FBXO31: variants seen among roughly 807,000 people sequenced by gnomAD.
FBXO31 encodes F-box protein 31.
In FBXO31, 24 loss-of-function variants were observed where a neutral mutation model predicts 54.4. The ratio of observed to expected loss-of-function variants is 0.44; its 90% CI spans 0.32 to 0.62. FBXO31 has a LOEUF of 0.62. Ranked by LOEUF, FBXO31 falls within the 20% of genes least tolerant of loss-of-function variation. The pLI is 0.05. For synonymous variants in FBXO31, 388 were observed against 335.6 expected, an observed-to-expected ratio of 1.16 and a Z score of -1.71; for missense variants, 665 against 787.1, an observed-to-expected ratio of 0.84 and a Z score of 1.86.
chr16:87,340,004 C>A (rs994892463), intron 5 of FBXO31, among the ~76,000 whole-genome samples: 1 of 152,224 alleles, frequency 6.6e-6, no homozygotes, highest in African/African-American at 2.4e-5. Context: ...AGAATTCGGC[C>A]GGGCGCGGTG....
intron 1 of FBXO31, among the ~76,000 whole-genome samples, chr16:87,370,260 A>G (rs935959710): frequency 1.3e-5 from 2 of 152,206 alleles, no homozygotes; most frequent in Non-Finnish European, 2.9e-5. Context: ...CAGCCTGGCC[A>G]GCGTGGCCGA....
chr16:87,330,185 C>T lies in FBXO31; in HGVS notation c.*1103G>A, dbSNP rs1904799733. On this transcript the variant is annotated 3_prime_UTR_variant, in exon 9 of 9. Transcript: ENST00000311635. ...TCAGCCAAGACCTCAGATGGGGTCCCCACACGCAGGTGTTAACACAACATG... is the reference window on the plus strand; with the variant it reads ...TCAGCCAAGACCTCAGATGGGGTCCTCACACGCAGGTGTTAACACAACATG... 6.6e-6 allele frequency: 1 copy of T among 152,444 alleles called. No individual in the cohort carries two copies. Among genetic ancestry groups the T allele is most frequent in the African/African-American group, 2.4e-5 (1 of 41,468 alleles). The allele number at this position is 152,444 out of a possible 1,614,324, so 9.4% of individuals were successfully genotyped here. A position where few individuals can be genotyped will look rare whatever the true frequency, so the allele number is the denominator to read the frequency against.
chr16:87,372,083 G>A (rs1428826280), intron 1 of FBXO31, among the ~76,000 whole-genome samples: 1 of 151,994 alleles, frequency 6.6e-6, no homozygotes, highest in African/African-American at 2.4e-5. Flanking sequence ...AATTAGCCAG[G>A]TATGGTGGCA....
At chr16:87,360,422 C>A in intron 1 of FBXO31, 56 bp from the exon 2 acceptor site, 6 of 1,511,242 alleles carry the variant, frequency 4.0e-6, no homozygotes, top group Non-Finnish European at 4.6e-6. Context: ...ACGCGACAGA[C>A]GTGGGCAGGC....
chr16:87,389,737 C>T (rs1161647799), exon 1 of FBXO31: 1 of 152,106 alleles, frequency 6.6e-6, no homozygotes, highest in African/African-American at 2.4e-5. Flanking sequence ...ATGCGCTTAC[C>T]GGATTTTTTT....
chr16:87,369,107 T>A (rs570250964), intron 1 of FBXO31, among the ~76,000 whole-genome samples: 1 of 152,156 alleles, frequency 6.6e-6, no homozygotes, highest in East Asian at 1.9e-4. Context: ...TTTTATTTTT[T>A]ATTTTTTTCA....
chr16:87,334,182 G>GGA lies in FBXO31; in HGVS notation c.1099_1100dup (p.Arg368ProfsTer65). The GGA allele has an allele frequency of 6.2e-7, 1 of 1,612,918 alleles. No homozygotes were observed. Among genetic ancestry groups the GGA allele is most frequent in the Non-Finnish European group, 8.5e-7 (1 of 1,179,780 alleles). Reference sequence around the variant, plus strand: ...TCTCGCGCACCTCCAGGACGATGCGGGAGAGCTCATTGAAGTTGCGCTGGT... The same window carrying GGA: ...TCTCGCGCACCTCCAGGACGATGCGGGAGAGAGCTCATTGAAGTTGCGCTGGT... On this transcript the variant is annotated frameshift_variant, in exon 8 of 9. Transcript: ENST00000311635. LOFTEE classifies it high-confidence loss of function.
rs1904691433 is a variant in FBXO31, at chr16:87,327,577, G to A, written c.*3711C>T. ...AGGCTAAGGCGGGCAGACAGCTTGA[G>A]CCTAGTAGGTTGAGGCCTCAGGGAG... On this transcript the variant is annotated 3_prime_UTR_variant, in exon 9 of 9. Transcript: ENST00000311635. 6.6e-6 allele frequency: 1 copy of A among 152,270 alleles called. No homozygotes were observed. The allele number at this position is 152,270 out of a possible 1,614,324, so 9.4% of individuals were successfully genotyped here.
chr16:87,390,781 A>C (rs1270582005), upstream of FBXO31, among the ~76,000 whole-genome samples: 1 of 151,560 alleles, frequency 6.6e-6, no homozygotes, highest in Non-Finnish European at 1.5e-5. Flanking sequence ...TTTTTTGTGG[A>C]GGACGGGGTC....
chr16:87,351,981 C>T (rs961449500), intron 2 of FBXO31, among the ~76,000 whole-genome samples: 4 of 152,192 alleles, frequency 2.6e-5, no homozygotes, highest in South Asian at 2.1e-4. Context: ...CACGAGAAAA[C>T]GTCAACGCCA....
chr16:87,331,639 C>G (rs1020344097), intron 8 of FBXO31, 129 bp from the exon 9 acceptor site: 3 of 778,722 alleles, frequency 3.9e-6, no homozygotes, highest in Non-Finnish European at 6.1e-6. Context: ...CAGAAGCTGA[C>G]TCCCAGAGCC....
intron 1 of FBXO31, chr16:87,362,452 C>T (rs913319142): frequency 6.6e-6 from 1 of 151,846 alleles, no homozygotes; most frequent in Non-Finnish European, 1.5e-5. Flanking sequence ...AGTGTAGTGG[C>T]TATAGTTAAA....
chr16:87,375,260 T>C (rs1291621500), intron 1 of FBXO31, among the ~76,000 whole-genome samples: 1 of 152,000 alleles, frequency 6.6e-6, no homozygotes, highest in Non-Finnish European at 1.5e-5. Flanking sequence ...TGAGCCAAGA[T>C]CGCGCCACTG....
chr16:87,383,381 G>GCCCCCCC lies in FBXO31; in HGVS notation c.340+23_340+24insGGGGGGG. On this transcript the variant is annotated intron_variant, in intron 1 of 8. Transcript: ENST00000311635. The surrounding 1 kb of genome is among the most constrained non-coding windows in gnomAD (Gnocchi z 4.9). Reference sequence around the variant, plus strand: ...TGGCAGGGACCCCCCGCCCCTCCCGGCCCCGCCACCCCCGCGCGCTCACCC... The same window carrying GCCCCCCC: ...TGGCAGGGACCCCCCGCCCCTCCCGGCCCCCCCCCCCGCCACCCCCGCGCGCTCACCC... The GCCCCCCC allele has an allele frequency of 7.1e-7, 1 of 1,417,880 alleles. No homozygotes were observed. The highest frequency in any genetic ancestry group is 9.6e-7 in the Non-Finnish European group (1 of 1,041,928). The allele number at this position is 1,417,880 out of a possible 1,614,324, so 87.8% of individuals were successfully genotyped here. A position where few individuals can be genotyped will look rare whatever the true frequency, so the allele number is the denominator to read the frequency against.
In FBXO31 at chr16:87,335,525, GCCAGGGATGAGCTTTGCAGGGC is replaced by G; in HGVS notation, c.843-90_843-69del. The G allele has an allele frequency of 9.8e-7, 1 of 1,019,880 alleles. No individual in the cohort carries two copies. Among genetic ancestry groups the G allele is most frequent in the South Asian group, 1.4e-5 (1 of 73,236 alleles). 63.2% of individuals were successfully genotyped at this position (1,019,880 alleles called of 1,614,324 possible). The stretch of plus-strand genomic sequence containing the variant: ...AGGCAGGACTGAGAACGCCCAAGGT[GCCAGGGATGAGCTTTGCAGGGC>G]GGGGTAGGGCGGGCAGCTCAGCTCA... On this transcript the variant is annotated intron_variant, in intron 6 of 8. Coordinates refer to ENST00000311635, the MANE Select transcript of FBXO31 (RefSeq NM_024735.5). The surrounding 1 kb of genome is among the most constrained non-coding windows in gnomAD (Gnocchi z 5.7).
intron 1 of FBXO31, among the ~76,000 whole-genome samples, chr16:87,381,090 T>C (rs1285676750): frequency 6.6e-6 from 1 of 152,126 alleles, no homozygotes; most frequent in Non-Finnish European, 1.5e-5. Context: ...CTACACAAAG[T>C]GCAAACCAGA....
At chr16:87,343,017 C>A (rs4843237) in intron 4 of FBXO31, 66 bp from the exon 5 acceptor site, 19 of 1,427,174 alleles carry the variant, frequency 1.3e-5, no homozygotes, top group Admixed American at 6.0e-5. Context: ...CATCCCCCAC[C>A]CCAGGCAGGT....
intron 1 of FBXO31, among the ~76,000 whole-genome samples, chr16:87,371,012 A>T (rs183141287): frequency 3.6e-4 from 54 of 151,996 alleles, no homozygotes; most frequent in Non-Finnish European, 6.3e-4. Flanking sequence ...ACTCCCCAAC[A>T]CTCCCAGCTC....
rs568987330 is a variant in FBXO31 at position 87,331,010 on chromosome 16, G to A, written c.*278C>T. ...GGAACCCCACCGCTTCAATTCTCACGCGGTCCCACGGCTGTCCCCTACATC... is the reference window on the plus strand; with the variant it reads ...GGAACCCCACCGCTTCAATTCTCACACGGTCCCACGGCTGTCCCCTACATC... On this transcript the variant is annotated 3_prime_UTR_variant, in exon 9 of 9. Transcript: ENST00000311635. 4.9e-5 allele frequency: 18 copies of A among 365,688 alleles called. No homozygotes were observed. The highest frequency in any genetic ancestry group is 2.1e-4 in the Admixed American group (5 of 23,568). 22.7% of individuals were successfully genotyped at this position (365,688 alleles called of 1,614,324 possible).
Sources: allele counts gnomAD v4.1 joint callset (sites outside exome capture counted in the v4.1 genomes callset), GRCh38; gene constraint gnomAD v4.1.1; non-coding constraint Gnocchi (gnomAD v3.1); transcripts MANE v1.5; gene names NCBI Gene and HGNC (gene_info 2026-07-23, HGNC 2026-07-21).